CPVL: variants seen among roughly 807,000 people sequenced by gnomAD.
The protein encoded by CPVL is carboxypeptidase vitellogenic like, also known as probable serine carboxypeptidase CPVL.
A neutral mutation model predicts 63.7 loss-of-function variants in CPVL; 51 were observed. The observed-to-expected ratio is 0.80, with a 90% confidence interval of 0.64 to 1.01. CPVL has a LOEUF of 1.01. Among genes scored for constraint, CPVL ranks in the 50% least tolerant of loss-of-function variants. CPVL has a pLI of 0.00. For missense variants in CPVL, 530 were observed against 573.1 expected, an observed-to-expected ratio of 0.92 and a Z score of 0.77; for synonymous variants, 195 against 206.0, an observed-to-expected ratio of 0.95 and a Z score of 0.46.
chr7:29,177,654 A>G (rs766768409), intron 5 of CPVL, among the ~76,000 whole-genome samples: 5 of 148,298 alleles, frequency 3.4e-5, no homozygotes, highest in African/African-American at 7.5e-5. Context: ...CTGTCCATCT[A>G]TTAATATCTA....
At chr7:29,048,515 G>C (rs1789839271) in intron 11 of CPVL, among the ~76,000 whole-genome samples, 1 of 151,998 alleles carries the variant, frequency 6.6e-6, no homozygotes, top group Non-Finnish European at 1.5e-5. Flanking sequence ...CCTAACAGTG[G>C]AGCTCCCAAA....
intron 2 of CPVL, among the ~76,000 whole-genome samples, chr7:29,114,801 G>C (rs1169063496): frequency 6.6e-6 from 1 of 152,018 alleles, no homozygotes; most frequent in Non-Finnish European, 1.5e-5. Context: ...ACTGCCTGTG[G>C]GCCACCTGGA....
rs767556966 is a variant in CPVL, at chr7:29,064,056, C to T, written c.1137+5G>A. On this transcript the variant is annotated splice_donor_5th_base_variant and intron_variant, in intron 11 of 12. Transcript: ENST00000265394. ...CTAAAATAGTAACTGAAGTAGCTCT[C>T]TTACCTTATAATTATTCATGATTTC... is the stretch of plus-strand genomic sequence containing the variant. 1.0e-5 allele frequency: 16 copies of T among 1,599,818 alleles called. No individual in the cohort carries two copies. Among genetic ancestry groups the T allele is most frequent in the Non-Finnish European group, 1.4e-5 (16 of 1,168,632 alleles).
intron 11 of CPVL, among the ~76,000 whole-genome samples, chr7:29,061,104 C>G (rs2013465): frequency 6.6e-6 from 1 of 152,022 alleles, no homozygotes; most frequent in Non-Finnish European, 1.5e-5. Context: ...TTCTGGCAAC[C>G]GATTCAGAGT....
intron 7 of CPVL, among the ~76,000 whole-genome samples, chr7:29,085,264 T>A (rs149264710): frequency 1.7e-3 from 265 of 152,268 alleles, no homozygotes; most frequent in African/African-American, 6.0e-3. Context: ...CACCTTTGTG[T>A]CAAAAAGCAA....
intron 12 of CPVL, among the ~76,000 whole-genome samples, chr7:29,014,880 C>T (rs770578883): frequency 5.9e-5 from 9 of 152,120 alleles, no homozygotes; most frequent in Non-Finnish European, 8.8e-5. Context: ...ATAATGCTTC[C>T]TAAGCTGTTT....
At chr7:29,017,441 C>G (rs1202401984) in intron 12 of CPVL, among the ~76,000 whole-genome samples, 1 of 152,186 alleles carries the variant, frequency 6.6e-6, no homozygotes, top group Non-Finnish European at 1.5e-5. Context: ...TGAGACCAGC[C>G]TGGCCAACAC....
chr7:29,019,539 C>A lies in CPVL; in HGVS notation c.1320+11038G>T, dbSNP rs527420240. 3.3e-5 allele frequency among the ~76,000 whole-genome samples: 5 copies of A among 152,302 alleles called. No homozygotes were observed. In the South Asian group the frequency reaches 1.0e-3, roughly 32 times the overall value. On this transcript the variant is annotated intron_variant, in intron 12 of 12. Coordinates refer to ENST00000265394, the MANE Select transcript of CPVL (RefSeq NM_031311.5). ...TCTTTAAGTGGACATTTTAGGTAAC[C>A]ATCCAGAGACAAGTCTACTTTGGTT...
chr7:29,155,453 C>T (rs112267346), intron 5 of CPVL, among the ~76,000 whole-genome samples: 9,241 of 152,196 alleles, frequency 0.061, 280 homozygotes, highest in Middle Eastern at 0.089. Context: ...TTACTGTAAC[C>T]CGAAAAGGTA....
intron 11 of CPVL, among the ~76,000 whole-genome samples, chr7:29,047,922 A>G (rs1410822220): frequency 6.6e-6 from 1 of 152,192 alleles, no homozygotes; most frequent in Non-Finnish European, 1.5e-5. Flanking sequence ...TCAGCCAAGA[A>G]TTTTGTATCC....
At chr7:29,016,783 C>T (rs188789256) in intron 12 of CPVL, among the ~76,000 whole-genome samples, 107 of 152,308 alleles carry the variant, frequency 7.0e-4, no homozygotes, top group Admixed American at 1.2e-3. Context: ...ACACAGTGAA[C>T]ACCATCTCTC....
chr7:29,187,249 C>T (rs1452178966), intron 1 of CPVL, among the ~76,000 whole-genome samples: 1 of 152,056 alleles, frequency 6.6e-6, no homozygotes, highest in Non-Finnish European at 1.5e-5. Flanking sequence ...TTGAAATCTA[C>T]TTTGAAATTC....
At chr7:29,042,766 C>T (rs1446561936) in intron 11 of CPVL, among the ~76,000 whole-genome samples, 1 of 152,158 alleles carries the variant, frequency 6.6e-6, no homozygotes, top group African/African-American at 2.4e-5. Flanking sequence ...AAAGTGGTCC[C>T]GAATGCCAGC....
rs35023229 is a variant in CPVL at position 29,064,226 on chromosome 7, C to T, written c.972G>A (p.Glu324=). ...AAAATTTCACATAGTAAAGCTGATC[C>T]TCAGGTTCCTGGCAGAAGGGGCATT... ...YYNFLRCTEP[E]DQLYYVKFLS... Residue 324 remains glutamate (E), a synonymous_variant, in exon 11 of 13, where the codon GAG becomes GAA. Coordinates refer to ENST00000265394, the MANE Select transcript of CPVL (RefSeq NM_031311.5). The T allele has an allele frequency of 3.3e-4, 535 of 1,610,538 alleles. 3 individuals carry two copies. The African/African-American group carries it at 4.2e-3, about 13-fold the overall frequency.
rs139250885 is a variant in CPVL, at chr7:29,089,618, C to G, written c.542+3005G>C. Among the ~76,000 whole-genome samples, 283 of 152,228 alleles carry G rather than the reference C, an allele frequency of 1.9e-3. 1 individual carries two copies. Among genetic ancestry groups the G allele is most frequent in the Admixed American group, 4.1e-3 (62 of 15,308 alleles). On this transcript the variant is annotated intron_variant, in intron 6 of 12. Transcript: ENST00000265394. ...TACCATTGTGATGGCAACACCCAGG[C>G]GTTACCACCCCTTTCCATGGCAATG...
intron 11 of CPVL, among the ~76,000 whole-genome samples, chr7:29,046,085 CTTT>C (rs1233373004): frequency 1.5e-5 from 2 of 135,332 alleles, no homozygotes; most frequent in African/African-American, 2.8e-5. Context: ...CTAGATGAAC[CTTT>C]TTTTTTTTTT....
intron 11 of CPVL, among the ~76,000 whole-genome samples, chr7:29,061,209 A>G (rs1003180938): frequency 1.3e-5 from 2 of 152,026 alleles, no homozygotes; most frequent in Non-Finnish European, 2.9e-5. Context: ...GGAGTTTGAA[A>G]TCAGCCTGGG....
At chr7:29,092,076 T>C (rs1785869460) in intron 6 of CPVL, among the ~76,000 whole-genome samples, 1 of 152,166 alleles carries the variant, frequency 6.6e-6, no homozygotes, top group Admixed American at 6.5e-5. Flanking sequence ...AAAGGTCACT[T>C]GCTTTTTTTT....
rs145875919 is a variant in CPVL, at chr7:29,019,272, G to T, written c.1320+11305C>A. On this transcript the variant is annotated intron_variant, in intron 12 of 12. Coordinates refer to ENST00000265394, the MANE Select transcript of CPVL (RefSeq NM_031311.5). ...TCTAAATTTGACAGACGCTCAGAAA[G>T]TCTGCTGCTCGGATTATATAACAGG... Among the ~76,000 whole-genome samples, 239 of 152,292 alleles carry T rather than the reference G, an allele frequency of 1.6e-3. 1 individual carries two copies. The highest frequency in any genetic ancestry group is 5.3e-3 in the African/African-American group (221 of 41,578).
Sources: allele counts gnomAD v4.1 joint callset (sites outside exome capture counted in the v4.1 genomes callset), GRCh38; gene constraint gnomAD v4.1.1; transcripts MANE v1.5; gene names NCBI Gene and HGNC (gene_info 2026-07-23, HGNC 2026-07-21).